FTCD: variants seen among roughly 807,000 people sequenced by gnomAD.
FTCD encodes the protein formimidoyltransferase cyclodeaminase.
In FTCD, 76 loss-of-function variants were observed where a neutral mutation model predicts 62.9. The ratio of observed to expected loss-of-function variants is 1.21; its 90% CI spans 1.00 to 1.46. The LOEUF is 1.46. Among genes scored for constraint, FTCD ranks in the 40% most tolerant of loss-of-function variants. FTCD has a pLI of 0.00. For synonymous variants in FTCD, 397 were observed against 336.9 expected, an observed-to-expected ratio of 1.18 and a Z score of -1.95; for missense variants, 845 against 751.3, an observed-to-expected ratio of 1.12 and a Z score of -1.46.
chr21:46,146,986 C>T (rs144337633), intron 7 of FTCD: 84 of 152,596 alleles, frequency 5.5e-4, no homozygotes, highest in Non-Finnish European at 9.8e-4. Flanking sequence ...CAGAAAACCC[C>T]AGGAAGATGC....
At chr21:46,153,348 C>T (rs1014750418) in intron 2 of FTCD, among the ~76,000 whole-genome samples, 1 of 152,214 alleles carries the variant, frequency 6.6e-6, no homozygotes, top group South Asian at 2.1e-4. Flanking sequence ...AAACCTGTCC[C>T]TCTCCTAACA....
rs754562126 is a variant in FTCD, at chr21:46,145,571, G to C, written c.1106C>G (p.Ala369Gly). The C allele has an allele frequency of 6.5e-7, 1 of 1,538,304 alleles. No individual in the cohort carries two copies. The highest frequency in any genetic ancestry group is 1.2e-5 in the South Asian group (1 of 83,756). ...VAAAAAAMGA[A>G]LGSMVGLMTY... ...CATGAGGCCCACCATGGAGCCCAGCGCCGCACCCTGCGAGAGGGGTGGATG... is the reference window on the plus strand; with the variant it reads ...CATGAGGCCCACCATGGAGCCCAGCCCCGCACCCTGCGAGAGGGGTGGATG... The change falls in exon 10 of 14, where the codon GCG becomes GGG. Residue 369 changes from alanine to glycine, a missense_variant. Physicochemically the swap from Ala to Gly is moderately conservative, Grantham distance 60. Coordinates refer to ENST00000397746, the MANE Select transcript of FTCD (RefSeq NM_206965.2).
At chr21:46,146,600 A>C in intron 7 of FTCD, 1 of 565,718 alleles carries the variant, frequency 1.8e-6, no homozygotes, top group Non-Finnish European at 3.2e-6. Context: ...CAGAGAAAGG[A>C]GTTGCCCCCT....
intron 8 of FTCD, 64 bp downstream of exon 8, chr21:46,146,202 C>T: frequency 8.4e-7 from 1 of 1,185,952 alleles, no homozygotes; most frequent in Non-Finnish European, 1.2e-6. Context: ...ACCCCAGCGC[C>T]CCGCAAGGCC....
At chr21:46,139,742 G>C (rs1225860321) in intron 10 of FTCD, among the ~76,000 whole-genome samples, 1 of 152,218 alleles carries the variant, frequency 6.6e-6, no homozygotes, top group Non-Finnish European at 1.5e-5. Context: ...TCCCTGACTG[G>C]CTGGGGCATC....
Position 46,151,926 on chromosome 21 carries a change from A to G in FTCD, c.422T>C (p.Ile141Thr). The change falls in exon 4 of 14, where the codon ATC becomes ACC. Residue 141 changes from isoleucine (I) to threonine (T), a missense_variant. By Grantham distance (89) the Ile-to-Thr change is moderately conservative. Transcript: ENST00000397746. The part of the protein sequence containing the change: ...RMDSRRTLPA[I>T]RAGEYEALPK... ...GAGGGCCTCGTACTCCCCGGCCCGG[A>G]TGGCCGGCAGGGTCCGGCGACTGTC... The G allele has an allele frequency of 2.5e-6, 4 of 1,572,650 alleles. No individual in the cohort carries two copies. Among genetic ancestry groups the G allele is most frequent in the Non-Finnish European group, 3.4e-6 (4 of 1,159,650 alleles).
At chr21:46,137,975 C>T (rs2078908322) in intron 12 of FTCD, among the ~76,000 whole-genome samples, 2 of 152,220 alleles carry the variant, frequency 1.3e-5, no homozygotes, top group Admixed American at 1.3e-4. Context: ...CGGCTCACTG[C>T]AGCCTTGACC....
intron 2 of FTCD, 150 bp downstream of exon 2, chr21:46,153,999 G>C (rs754970827): frequency 5.0e-6 from 4 of 803,066 alleles, no homozygotes; most frequent in Non-Finnish European, 8.5e-6. Context: ...CCACACTCCA[G>C]GGTCCTCCTA....
chr21:46,145,857 G>A lies in FTCD; in HGVS notation c.1059C>T (p.Ala353=). 8.6e-7 allele frequency: 1 copy of A among 1,160,998 alleles called. No homozygotes were observed. The highest frequency in any genetic ancestry group is 1.1e-6 in the Non-Finnish European group (1 of 948,046). 71.9% of individuals were successfully genotyped at this position (1,160,998 alleles called of 1,614,324 possible). A position where few individuals can be genotyped will look rare whatever the true frequency, so the allele number is the denominator to read the frequency against. Residue 353 remains alanine, a synonymous_variant, in exon 9 of 14, where the codon GCC becomes GCT. Coordinates refer to ENST00000397746, the MANE Select transcript of FTCD (RefSeq NM_206965.2). Reference sequence around the variant, plus strand: ...CCGCCGCCACCGAGCCGCCCCCGGGGGCCGCAGAGCGGGCACCCACCTCCC... The same window carrying A: ...CCGCCGCCACCGAGCCGCCCCCGGGAGCCGCAGAGCGGGCACCCACCTCCC... ...FVGEVGARSA[A]PGGGSVAAAA...
At chr21:46,139,078 T>C (rs564448445) in intron 10 of FTCD, 155 bp from the exon 11 acceptor site, 28 of 693,986 alleles carry the variant, frequency 4.0e-5, no homozygotes, top group Middle Eastern at 5.6e-4. Context: ...TTTATAGCCC[T>C]TAGCATCAGG....
Position 46,154,136 on chromosome 21 carries a change from C to T in FTCD, c.238+13G>A, listed in dbSNP as rs747108135. 4.4e-5 allele frequency: 71 copies of T among 1,611,882 alleles called. No homozygotes were observed. Among genetic ancestry groups the T allele is most frequent in the Non-Finnish European group, 5.7e-5 (67 of 1,179,236 alleles). ...TGAGACACGGCAGCCACAGGAGAGC[C>T]CAGAGACCTCACCTTGGTGCCTGCT... is the stretch of plus-strand genomic sequence containing the variant. On this transcript the variant is annotated intron_variant, in intron 2 of 13. Coordinates refer to ENST00000397746, the MANE Select transcript of FTCD (RefSeq NM_206965.2).
rs145459195 is a variant in FTCD at position 46,150,718 on chromosome 21, G to A, written c.637-193C>T. Among the ~76,000 whole-genome samples, 460 of 152,152 alleles carry A rather than the reference G, an allele frequency of 3.0e-3. 1 individual carries two copies. Among genetic ancestry groups the A allele is most frequent in the South Asian group, 9.8e-3 (47 of 4,814 alleles). On this transcript the variant is annotated intron_variant, in intron 5 of 13. Coordinates refer to ENST00000397746, the MANE Select transcript of FTCD (RefSeq NM_206965.2). ...GAAACTTCGCTTGCCACAGGGAAACGGAGGCCCCAAGGGTCAGACACCGGA... is the reference window on the plus strand; with the variant it reads ...GAAACTTCGCTTGCCACAGGGAAACAGAGGCCCCAAGGGTCAGACACCGGA...
chr21:46,143,762 T>A (rs1406927105), intron 10 of FTCD, among the ~76,000 whole-genome samples: 4 of 152,160 alleles, frequency 2.6e-5, no homozygotes, highest in Admixed American at 2.6e-4. Flanking sequence ...GTAGTGTCAG[T>A]GCCAAAGAAA....
At chr21:46,152,674 G>A (rs769830261) in intron 3 of FTCD, 3 of 470,450 alleles carry the variant, frequency 6.4e-6, no homozygotes, top group Non-Finnish European at 1.1e-5. Context: ...CTCTTGGTTT[G>A]CCTGTGCAGC....
chr21:46,152,222 G>C (rs1160252300), intron 3 of FTCD: 7 of 518,288 alleles, frequency 1.4e-5, no homozygotes, highest in Non-Finnish European at 2.4e-5. Flanking sequence ...GAATTGCAGG[G>C]TTAGGATGGA....
rs773933014 is a variant in FTCD at position 46,138,586 on chromosome 21, C to A, written c.1365G>T (p.Ala455=). The stretch of plus-strand genomic sequence containing the variant: ...CCGGCCACAGCGAGGCCACCGTCTC[C>A]GCCAGCGTCAGCGGCACAGAGACTG... ...RRAVSVPLTL[A]ETVASLWPAL... Residue 455 remains alanine, a synonymous_variant, in exon 12 of 14, where the codon GCG becomes GCT. Coordinates refer to ENST00000397746, the MANE Select transcript of FTCD (RefSeq NM_206965.2). 3.8e-6 allele frequency: 6 copies of A among 1,589,760 alleles called. No homozygotes were observed. Among genetic ancestry groups the A allele is most frequent in the Non-Finnish European group, 5.1e-6 (6 of 1,175,038 alleles).
chr21:46,146,997 C>T (rs1439063108), intron 7 of FTCD: 1 of 152,372 alleles, frequency 6.6e-6, no homozygotes, highest in Non-Finnish European at 1.5e-5. Flanking sequence ...AGGAAGATGC[C>T]GGGCATTTTA....
At chr21:46,139,268 C>T (rs1396662819) in intron 10 of FTCD, among the ~76,000 whole-genome samples, 1 of 152,168 alleles carries the variant, frequency 6.6e-6, no homozygotes, top group African/African-American at 2.4e-5. Flanking sequence ...CCTGTGTCTC[C>T]AACACAAGCA....
intron 3 of FTCD, chr21:46,152,504 C>G (rs2079316207): frequency 5.0e-6 from 1 of 198,838 alleles, no homozygotes; most frequent in Admixed American, 5.5e-5. Flanking sequence ...TGACCTACGT[C>G]CCTGCCTCGG....
Sources: allele counts gnomAD v4.1 joint callset (sites outside exome capture counted in the v4.1 genomes callset), GRCh38; gene constraint gnomAD v4.1.1; transcripts MANE v1.5; gene names NCBI Gene and HGNC (gene_info 2026-07-23, HGNC 2026-07-21).